Variants in KIAA2012 observed in about 807,000 individuals in gnomAD.
The protein encoded by KIAA2012 is KIAA2012, also known as uncharacterized protein KIAA2012.
In KIAA2012, 125 loss-of-function variants were observed where a neutral mutation model predicts 150.6. That is an observed-to-expected ratio of 0.83 (90% CI 0.72 to 0.96). The LOEUF is 0.96. Among genes scored for constraint, KIAA2012 ranks in the 40% least tolerant of loss-of-function variants. The pLI is 0.00. For missense variants in KIAA2012, 1,219 were observed against 1,354.9 expected (o/e 0.90, Z 1.57); for synonymous variants, 462 against 504.7 (o/e 0.92, Z 1.13).
chr2:202,149,995 T>C (rs1407025069), intron 13 of KIAA2012, among the ~76,000 whole-genome samples: 2 of 152,242 alleles, frequency 1.3e-5, no homozygotes, highest in African/African-American at 2.4e-5. Flanking sequence ...CTATATTATA[T>C]ATGTGTGTAA....
At chr2:202,150,241 A>C (rs973260586) in intron 13 of KIAA2012, among the ~76,000 whole-genome samples, 1 of 152,228 alleles carries the variant, frequency 6.6e-6, no homozygotes, top group Non-Finnish European at 1.5e-5. Context: ...AGCTTTACCA[A>C]ATTAACTCGT....
intron 15 of KIAA2012, among the ~76,000 whole-genome samples, chr2:202,182,706 A>G (rs1692145091): frequency 6.6e-6 from 1 of 152,176 alleles, no homozygotes; most frequent in South Asian, 2.1e-4. Context: ...GTTGGATGGT[A>G]CGGCAGGTAT....
intron 1 of KIAA2012, 79 bp from the exon 2 acceptor site, chr2:202,074,812 G>A (rs895255267): frequency 1.6e-4 from 230 of 1,407,730 alleles, no homozygotes; most frequent in South Asian, 7.3e-4. Context: ...AAAAAATGCC[G>A]AAGGCTTTGC....
chr2:202,126,504 C>T (rs1690791389), intron 12 of KIAA2012, among the ~76,000 whole-genome samples: 1 of 152,172 alleles, frequency 6.6e-6, no homozygotes, highest in African/African-American at 2.4e-5. Flanking sequence ...CTTGGGCAGA[C>T]ATCCTGACGA....
At chr2:202,106,041 G>A in intron 9 of KIAA2012, 131 bp downstream of exon 9, 1 of 1,538,492 alleles carries the variant, frequency 6.5e-7, no homozygotes, top group African/African-American at 1.4e-5. Flanking sequence ...GCCACTGGAA[G>A]ATGGCCTTTG....
intron 15 of KIAA2012, among the ~76,000 whole-genome samples, chr2:202,182,583 A>G (rs1692143726): frequency 6.6e-6 from 1 of 152,106 alleles, no homozygotes; most frequent in Non-Finnish European, 1.5e-5. Flanking sequence ...GAGCTGTTTC[A>G]GTTTTGACCA....
chr2:202,133,130 A>ATATATATATATTTTTTTTTTTTTTTT (rs1279080237), intron 12 of KIAA2012, among the ~76,000 whole-genome samples: 6 of 67,770 alleles, frequency 8.9e-5, no homozygotes, highest in Non-Finnish European at 1.5e-4. Flanking sequence ...ATATATATAT[A>ATATATATATATTTTTTTTTTTTTTTT]TTTTTTTTTT....
chr2:202,165,245 T>C, intron 14 of KIAA2012, 39 bp from the exon 15 acceptor site: 1 of 1,528,100 alleles, frequency 6.5e-7, no homozygotes. Context: ...TTGCATTTAT[T>C]ATGTCTAATG....
intron 15 of KIAA2012, among the ~76,000 whole-genome samples, chr2:202,181,072 C>A (rs981509892): frequency 6.6e-6 from 1 of 152,092 alleles, no homozygotes; most frequent in African/African-American, 2.4e-5. Flanking sequence ...CAAGCTCAAG[C>A]GATCCTCCCA....
At chr2:202,138,401 G>C in intron 12 of KIAA2012, 31 bp from the exon 13 acceptor site, 1 of 1,513,732 alleles carries the variant, frequency 6.6e-7, no homozygotes, top group Non-Finnish European at 9.0e-7. Flanking sequence ...TGACCACCTT[G>C]ATCTTTTTTC....
At chr2:202,133,109 A>AAATAT (rs766606713) in intron 12 of KIAA2012, among the ~76,000 whole-genome samples, 19 of 87,878 alleles carry the variant, frequency 2.2e-4, no homozygotes, top group East Asian at 1.1e-3. Flanking sequence ...TCTAAAAAAA[A>AAATAT]ATATATATAT....
chr2:202,129,592 G>C (rs1029459059), intron 12 of KIAA2012, among the ~76,000 whole-genome samples: 2 of 152,108 alleles, frequency 1.3e-5, no homozygotes, highest in African/African-American at 4.8e-5. Context: ...AAAAGTGATA[G>C]GATTCTGAAA....
chr2:202,191,921 G>A (rs1283222907), intron 19 of KIAA2012, among the ~76,000 whole-genome samples: 2 of 152,200 alleles, frequency 1.3e-5, no homozygotes, highest in Non-Finnish European at 2.9e-5. Flanking sequence ...CACAACCATT[G>A]AGTGGTAGAG....
chr2:202,106,132 A>T, intron 9 of KIAA2012: 1 of 1,262,436 alleles, frequency 7.9e-7, no homozygotes, highest in Admixed American at 2.5e-5. Context: ...TCCCTAACTC[A>T]TCCCACTGCT....
In KIAA2012 at chr2:202,154,671, A is replaced by C. The variant is rs1691487708; in HGVS notation, c.1909-2A>C. 7.2e-6 allele frequency: 11 copies of C among 1,530,618 alleles called. No individual in the cohort carries two copies. The highest frequency in any genetic ancestry group is 9.6e-6 in the Non-Finnish European group (11 of 1,141,976). The allele number at this position is 1,530,618 out of a possible 1,614,324, so 94.8% of individuals were successfully genotyped here. A position where few individuals can be genotyped will look rare whatever the true frequency, so the allele number is the denominator to read the frequency against. On this transcript the variant is annotated splice_acceptor_variant, in intron 13 of 23. Transcript: ENST00000498697. LOFTEE classifies it high-confidence loss of function. ...GTTCGGGCTTTCTGCTTCTCTTCAC[A>C]GGGAGCCCAGCAGTCCTTGGAGGCA...
At chr2:202,152,556 A>G (rs369871497) in intron 13 of KIAA2012, among the ~76,000 whole-genome samples, 4 of 152,160 alleles carry the variant, frequency 2.6e-5, no homozygotes, top group African/African-American at 9.7e-5. Context: ...CTATTATTCT[A>G]TCCAGTGATT....
At position 202,102,178 on chromosome 2, in the gene KIAA2012, A is replaced by G. The variant is rs72938522; in HGVS notation, c.1156-768A>G. ...CAGTGAATCTCTCATACACACACAC[A>G]TACACATACACGCACACACACACAC... On this transcript the variant is annotated intron_variant, in intron 7 of 23. Transcript: ENST00000498697. Among the ~76,000 whole-genome samples, 680 of 143,882 alleles carry G rather than the reference A, an allele frequency of 4.7e-3. 2 individuals are homozygous for G. The highest frequency in any genetic ancestry group is 7.6e-3 in the Non-Finnish European group (520 of 68,008). The allele number at this position is 143,882 out of a possible 152,430, so 94.4% of individuals were successfully genotyped here. A position where few individuals can be genotyped will look rare whatever the true frequency, so the allele number is the denominator to read the frequency against.
At chr2:202,094,972 G>A (rs990540117) in intron 4 of KIAA2012, among the ~76,000 whole-genome samples, 2 of 152,152 alleles carry the variant, frequency 1.3e-5, no homozygotes, top group Non-Finnish European at 2.9e-5. Flanking sequence ...CATTAGCACC[G>A]ATTCCAAGCC....
chr2:202,113,644 T>A (rs950000634), intron 11 of KIAA2012, 198 bp downstream of exon 11: 5 of 560,400 alleles, frequency 8.9e-6, no homozygotes, highest in Non-Finnish European at 1.6e-5. Context: ...ACAAGTTTAC[T>A]CTTGCTGGAG....
Sources: allele counts gnomAD v4.1 joint callset (sites outside exome capture counted in the v4.1 genomes callset), GRCh38; gene constraint gnomAD v4.1.1; transcripts MANE v1.5; gene names NCBI Gene and HGNC (gene_info 2026-07-23, HGNC 2026-07-21).